The following EHBP1 variants were observed in gnomAD, a reference collection of about 807,000 sequenced individuals.
EHBP1 encodes the protein EH domain-binding protein 1.
A neutral mutation model predicts 144.0 loss-of-function variants in EHBP1; 55 were observed. That is an observed-to-expected ratio of 0.38 (90% CI 0.31 to 0.48). The LOEUF is 0.48. Among genes scored for constraint, EHBP1 ranks in the 20% least tolerant of loss-of-function variants. EHBP1 has a pLI of 0.98. For synonymous variants in EHBP1, 469 were observed against 472.7 expected (o/e 0.99, Z 0.10); for missense variants, 1,200 against 1,364.2 (o/e 0.88, Z 1.90).
intron 10 of EHBP1, among the ~76,000 whole-genome samples, chr2:62,933,901 A>G (rs897835973): frequency 6.6e-6 from 1 of 152,196 alleles, no homozygotes; most frequent in Non-Finnish European, 1.5e-5. Flanking sequence ...ATTATGTTTT[A>G]GGATGTATTT....
At chr2:63,019,850 A>AGGAAGGAAGGAAGGAG (rs2060642289) in intron 19 of EHBP1, among the ~76,000 whole-genome samples, 1 of 109,634 alleles carries the variant, frequency 9.1e-6, no homozygotes, top group Admixed American at 8.5e-5. Flanking sequence ...GAAGGAAGGA[A>AGGAAGGAAGGAAGGAG]GGAAGGAAGG....
intron 5 of EHBP1, among the ~76,000 whole-genome samples, chr2:62,782,384 G>A (rs902050501): frequency 6.6e-6 from 1 of 152,100 alleles, no homozygotes; most frequent in Non-Finnish European, 1.5e-5. Flanking sequence ...TATTCCTAGA[G>A]GTATCTGACA....
intron 2 of EHBP1, among the ~76,000 whole-genome samples, chr2:62,733,449 A>C (rs2037808193): frequency 6.6e-6 from 1 of 152,118 alleles, no homozygotes; most frequent in Non-Finnish European, 1.5e-5. Context: ...TATGGTGGTA[A>C]GGTGTGGAGG....
At chr2:62,854,100 A>T (rs1415543478) in intron 7 of EHBP1, among the ~76,000 whole-genome samples, 3 of 152,174 alleles carry the variant, frequency 2.0e-5, no homozygotes, top group Non-Finnish European at 4.4e-5. Context: ...CAGTATCAAC[A>T]CAAGTTGAAG....
chr2:62,986,716 C>T (rs1456820429), intron 15 of EHBP1, among the ~76,000 whole-genome samples: 2 of 152,048 alleles, frequency 1.3e-5, no homozygotes, highest in Non-Finnish European at 2.9e-5. Context: ...GTATTACAGG[C>T]GTGAGCCACC....
At chr2:62,805,608 A>G (rs1379559036) in intron 5 of EHBP1, among the ~76,000 whole-genome samples, 2 of 152,020 alleles carry the variant, frequency 1.3e-5, no homozygotes, top group East Asian at 3.9e-4. Context: ...TCCTCCTCCA[A>G]GGTTCAGGCA....
At chr2:62,694,430 T>C (rs2969300) in intron 1 of EHBP1, among the ~76,000 whole-genome samples, 23,874 of 151,760 alleles carry the variant, frequency 0.16, 2,141 homozygotes, top group Middle Eastern at 0.24. Flanking sequence ...TGACTATAAG[T>C]TTTCAATTTT....
chr2:62,754,646 C>T (rs1440489157), intron 3 of EHBP1, among the ~76,000 whole-genome samples: 3 of 152,312 alleles, frequency 2.0e-5, no homozygotes, highest in South Asian at 2.1e-4. Flanking sequence ...CCACCCAGTT[C>T]GAGCTTCCTG....
intron 2 of EHBP1, among the ~76,000 whole-genome samples, chr2:62,730,307 C>T (rs1026159267): frequency 6.6e-6 from 1 of 152,098 alleles, no homozygotes; most frequent in African/African-American, 2.4e-5. Flanking sequence ...CCTCACTCCC[C>T]CTCTCCCTCC....
At chr2:63,032,505 T>C (rs2061294028) in intron 19 of EHBP1, among the ~76,000 whole-genome samples, 2 of 143,566 alleles carry the variant, frequency 1.4e-5, no homozygotes, top group Non-Finnish European at 3.0e-5. Context: ...AGGCGGAGGT[T>C]GTAGTGAGCC....
chr2:62,739,901 A>G (rs1436766797), intron 2 of EHBP1, among the ~76,000 whole-genome samples: 1 of 148,370 alleles, frequency 6.7e-6, no homozygotes, highest in Non-Finnish European at 1.5e-5. Flanking sequence ...ACTCCCTTGT[A>G]CTCCAGCCTG....
At chr2:62,928,790 C>A (rs2055742250) in intron 10 of EHBP1, among the ~76,000 whole-genome samples, 1 of 145,810 alleles carries the variant, frequency 6.9e-6, no homozygotes, top group African/African-American at 2.5e-5. Flanking sequence ...GATGTTGATT[C>A]TTTGAAGAGA....
intron 11 of EHBP1, among the ~76,000 whole-genome samples, chr2:62,943,155 T>A (rs1240224200): frequency 2.0e-5 from 3 of 152,146 alleles, no homozygotes; most frequent in Non-Finnish European, 4.4e-5. Flanking sequence ...GGCGGGTGGA[T>A]CACCTGAGGT....
intron 10 of EHBP1, among the ~76,000 whole-genome samples, chr2:62,888,098 G>A (rs1573910305): frequency 6.6e-6 from 1 of 152,268 alleles, no homozygotes; most frequent in East Asian, 1.9e-4. Flanking sequence ...AAAATTTAAG[G>A]AGGCACATTG....
intron 12 of EHBP1, among the ~76,000 whole-genome samples, chr2:62,946,216 C>G (rs1372424914): frequency 6.6e-6 from 1 of 152,152 alleles, no homozygotes; most frequent in Non-Finnish European, 1.5e-5. Flanking sequence ...TATAGGGAAT[C>G]TCAGTAAGGC....
chr2:62,829,742 A>G (rs557426073), intron 6 of EHBP1, among the ~76,000 whole-genome samples: 1 of 147,090 alleles, frequency 6.8e-6, no homozygotes, highest in Non-Finnish European at 1.5e-5. Flanking sequence ...TTATTTATAT[A>G]TTTATATTAT....
chr2:62,859,155 A>G lies in EHBP1; in HGVS notation c.635-14A>G. ...TAACCATAATAGGGAACTAACCCAT[A>G]TGTTTATTTTCAGAGCTTATCAACA... On this transcript the variant is annotated splice_polypyrimidine_tract_variant and intron_variant, in intron 7 of 22. Transcript: ENST00000431489. 1.2e-6 allele frequency: 2 copies of G among 1,605,990 alleles called. No homozygotes were observed. Among genetic ancestry groups the G allele is most frequent in the Non-Finnish European group, 1.7e-6 (2 of 1,175,024 alleles).
chr2:62,957,283 A>G (rs1366522585), intron 14 of EHBP1, among the ~76,000 whole-genome samples: 2 of 152,228 alleles, frequency 1.3e-5, no homozygotes, highest in Non-Finnish European at 1.5e-5. Context: ...ATCAACATCC[A>G]TTCATGATCC....
At chr2:62,935,395 C>T (rs1227413422) in intron 10 of EHBP1, among the ~76,000 whole-genome samples, 3 of 145,068 alleles carry the variant, frequency 2.1e-5, no homozygotes, top group Admixed American at 7.0e-5. Flanking sequence ...TTTACTTTTT[C>T]GCAATAAAGC....
Sources: allele counts gnomAD v4.1 joint callset (sites outside exome capture counted in the v4.1 genomes callset), GRCh38; gene constraint gnomAD v4.1.1; transcripts MANE v1.5; gene names NCBI Gene and HGNC (gene_info 2026-07-23, HGNC 2026-07-21).